Variants in KIAA1217 observed in about 807,000 individuals in gnomAD.
KIAA1217 encodes the protein sickle tail protein homolog.
KIAA1217 carries 88 observed loss-of-function variants against 163.9 expected under a neutral mutation model. The observed-to-expected ratio is 0.54, with a 90% CI of 0.45 to 0.64. The LOEUF (loss-of-function observed/expected upper bound fraction) is 0.64. Ranked by LOEUF, KIAA1217 falls within the 30% of genes least tolerant of loss-of-function variation. The pLI, the probability that KIAA1217 is intolerant of heterozygous loss-of-function variation, is 0.00. For missense variants in KIAA1217, 2,372 were observed against 2,475.0 expected (o/e 0.96, Z 0.88); for synonymous variants, 903 against 923.1 (o/e 0.98, Z 0.39).
At chr10:24,262,774 A>C (rs1158959622) in intron 2 of KIAA1217, among the ~76,000 whole-genome samples, 2 of 152,064 alleles carry the variant, frequency 1.3e-5, no homozygotes, top group Non-Finnish European at 2.9e-5. Context: ...GCGAAACCTC[A>C]TCTCTGCTAA....
At chr10:24,012,828 C>A (rs2131494390) in intron 2 of KIAA1217, among the ~76,000 whole-genome samples, 1 of 152,264 alleles carries the variant, frequency 6.6e-6, no homozygotes, top group Middle Eastern at 3.4e-3. Flanking sequence ...TTACTGATCT[C>A]ATGCTTCTGT....
chr10:24,400,326 T>G (rs1004772613), intron 3 of KIAA1217, among the ~76,000 whole-genome samples: 6 of 152,196 alleles, frequency 3.9e-5, no homozygotes, highest in Non-Finnish European at 8.8e-5. Context: ...GCAGTAACAA[T>G]TCCCAAATCT....
chr10:24,073,052 CTG>C (rs946433837), intron 2 of KIAA1217, among the ~76,000 whole-genome samples: 4 of 147,966 alleles, frequency 2.7e-5, no homozygotes, highest in African/African-American at 1.0e-4. Flanking sequence ...GAATGAGACT[CTG>C]TCTTGAAAAA....
At chr10:24,518,760 G>C (rs898255477) in intron 10 of KIAA1217, among the ~76,000 whole-genome samples, 3 of 152,196 alleles carry the variant, frequency 2.0e-5, no homozygotes, top group African/African-American at 7.2e-5. Context: ...ATAGCTGTAG[G>C]AAGTTTCCCG....
intron 2 of KIAA1217, among the ~76,000 whole-genome samples, chr10:24,160,902 T>A (rs1189805730): frequency 6.6e-6 from 1 of 152,222 alleles, no homozygotes; most frequent in Non-Finnish European, 1.5e-5. Flanking sequence ...AAAGTGGTAT[T>A]CCCCAAAGTG....
intron 2 of KIAA1217, among the ~76,000 whole-genome samples, chr10:24,088,274 T>TATATATATATATATATATATAC (rs1285415158): frequency 7.8e-4 from 84 of 107,230 alleles, no homozygotes; most frequent in African/African-American, 2.5e-3. Context: ...TATATATATA[T>TATATATATATATATATATATAC]ACACACATAT....
intron 2 of KIAA1217, among the ~76,000 whole-genome samples, chr10:24,190,910 G>A (rs1454174894): frequency 6.6e-6 from 1 of 151,962 alleles, no homozygotes; most frequent in African/African-American, 2.4e-5. Context: ...AAAATGATCA[G>A]AGGCGGGGCT....
At chr10:23,750,938 T>TTTCCC (rs1235980716) in intron 1 of KIAA1217, among the ~76,000 whole-genome samples, 1 of 151,844 alleles carries the variant, frequency 6.6e-6, no homozygotes, top group Non-Finnish European at 1.5e-5. Context: ...AGATAATTCC[T>TTTCCC]TTCCCTTCCC....
At chr10:23,833,494 A>C (rs577658183) in intron 1 of KIAA1217, among the ~76,000 whole-genome samples, 2 of 152,038 alleles carry the variant, frequency 1.3e-5, no homozygotes, top group African/African-American at 4.8e-5. Context: ...AAAAAAAAAA[A>C]AACTAAGTAA....
intron 1 of KIAA1217, among the ~76,000 whole-genome samples, chr10:23,808,384 A>T (rs1270622502): frequency 6.6e-6 from 1 of 152,240 alleles, no homozygotes; most frequent in South Asian, 2.1e-4. Flanking sequence ...AGAAACATCA[A>T]TTCAGGTTAT....
intron 2 of KIAA1217, among the ~76,000 whole-genome samples, chr10:24,138,207 G>A (rs577826975): frequency 1.2e-4 from 18 of 152,272 alleles, no homozygotes; most frequent in Admixed American, 3.3e-4. Context: ...AGGCTGGAGT[G>A]CCATGGTGCA....
At chr10:24,114,373 A>C (rs1214826909) in intron 2 of KIAA1217, among the ~76,000 whole-genome samples, 1 of 152,178 alleles carries the variant, frequency 6.6e-6, no homozygotes, top group Non-Finnish European at 1.5e-5. Context: ...ATTCCAAAAA[A>C]AAAATGCTGA....
chr10:24,171,302 T>C (rs1390578324), intron 2 of KIAA1217, among the ~76,000 whole-genome samples: 1 of 152,194 alleles, frequency 6.6e-6, no homozygotes, highest in African/African-American at 2.4e-5. Context: ...GGAAACATTT[T>C]TATTGAAAAA....
chr10:23,790,226 TGC>T lies in KIAA1217; in HGVS notation c.-321+94993_-321+94994del, dbSNP rs1326367250. Among the ~76,000 whole-genome samples the T allele has an allele frequency of 1.8e-5, 2 of 109,560 alleles. 1 individual carries two copies. The highest frequency in any genetic ancestry group is 8.8e-5 in the African/African-American group (2 of 22,814). The allele number at this position is 109,560 out of a possible 152,430, so 71.9% of individuals were successfully genotyped here. A position where few individuals can be genotyped will look rare whatever the true frequency, so the allele number is the denominator to read the frequency against. On this transcript the variant is annotated intron_variant, in intron 1 of 18. Coordinates refer to the KIAA1217 transcript ENST00000376462. The stretch of plus-strand genomic sequence containing the variant: ...ATATACACATATACACATATGCATA[TGC>T]ACATATGCATATGCACATATGCATA...
At chr10:24,010,438 T>A (rs1318298510) in intron 2 of KIAA1217, among the ~76,000 whole-genome samples, 1 of 152,068 alleles carries the variant, frequency 6.6e-6, no homozygotes, top group Non-Finnish European at 1.5e-5. Context: ...AATAAAAAGT[T>A]TTTTGAAAGT....
At chr10:24,309,375 C>T (rs925861878) in intron 2 of KIAA1217, among the ~76,000 whole-genome samples, 4 of 152,004 alleles carry the variant, frequency 2.6e-5, no homozygotes, top group Admixed American at 6.6e-5. Flanking sequence ...CACACACACA[C>T]ACACGGGCTT....
At chr10:24,116,066 T>C (rs2063039937) in intron 2 of KIAA1217, among the ~76,000 whole-genome samples, 1 of 152,122 alleles carries the variant, frequency 6.6e-6, no homozygotes, top group Non-Finnish European at 1.5e-5. Flanking sequence ...TCGTTGACAG[T>C]GTCTGGATTC....
chr10:24,028,463 C>T (rs776884694), intron 2 of KIAA1217, among the ~76,000 whole-genome samples: 3 of 152,070 alleles, frequency 2.0e-5, no homozygotes, highest in Non-Finnish European at 4.4e-5. Flanking sequence ...TACTTGATAA[C>T]ATTTATGTCG....
intron 1 of KIAA1217, among the ~76,000 whole-genome samples, chr10:24,212,500 C>T (rs781233968): frequency 6.6e-6 from 1 of 152,104 alleles, no homozygotes; most frequent in Non-Finnish European, 1.5e-5. Flanking sequence ...CCCCCCGAGG[C>T]AGTCCAGCAT....
Sources: gnomAD v4.1 joint callset for allele counts (sites outside exome capture counted in the v4.1 genomes callset) on GRCh38, gnomAD v4.1.1 for gene constraint, MANE v1.5 for transcripts, NCBI Gene and HGNC (gene_info 2026-07-23, HGNC 2026-07-21) for gene names.